Variants in SMCO4 observed in about 807,000 individuals in gnomAD.
The protein encoded by SMCO4 is single-pass membrane and coiled-coil domain-containing protein 4.
SMCO4 carries 4 observed loss-of-function variants against 3.6 expected under a neutral mutation model. The observed-to-expected ratio is 1.11, with a 90% confidence interval of 0.54 to 2.53. SMCO4 has a LOEUF of 2.53. SMCO4 is among the 30% of genes most tolerant of loss of function. The probability of loss-of-function intolerance (pLI) is 0.02; values close to 1 mark genes in which losing one functional copy is unlikely to be tolerated. For synonymous variants in SMCO4, 36 were observed against 35.3 expected, an observed-to-expected ratio of 1.02 and a Z score of -0.07; for missense variants, 70 against 80.8, an observed-to-expected ratio of 0.87 and a Z score of 0.51.
At chr11:93,503,383 T>A (rs891938083) in intron 1 of SMCO4, among the ~76,000 whole-genome samples, 6 of 152,172 alleles carry the variant, frequency 3.9e-5, no homozygotes, top group African/African-American at 1.4e-4. Context: ...GCCCCCATGA[T>A]TCAATTATCT....
chr11:93,481,405 T>A (rs1229612174), intron 2 of SMCO4: 1 of 984,958 alleles, frequency 1.0e-6, no homozygotes, highest in Non-Finnish European at 1.2e-6. Flanking sequence ...CCTCTAAGCC[T>A]GACTGCAGCC....
chr11:93,484,138 C>G (rs1948622052), intron 2 of SMCO4, among the ~76,000 whole-genome samples: 2 of 152,166 alleles, frequency 1.3e-5, no homozygotes, highest in Non-Finnish European at 2.9e-5. Context: ...AGCACACACC[C>G]ACGGCAACCG....
chr11:93,509,206 G>C (rs1037638258), intron 1 of SMCO4, among the ~76,000 whole-genome samples: 1 of 151,700 alleles, frequency 6.6e-6, no homozygotes, highest in South Asian at 2.1e-4. Flanking sequence ...CAGGAGGATC[G>C]CTTGCACCCA....
intron 2 of SMCO4, among the ~76,000 whole-genome samples, chr11:93,489,374 G>A (rs1334426126): frequency 6.6e-6 from 1 of 152,186 alleles, no homozygotes; most frequent in African/African-American, 2.4e-5. Context: ...ATTCCTCAAA[G>A]AAGAGCATCT....
chr11:93,480,807 C>T (rs1472805657), intron 2 of SMCO4, among the ~76,000 whole-genome samples: 1 of 152,128 alleles, frequency 6.6e-6, no homozygotes, highest in Non-Finnish European at 1.5e-5. Flanking sequence ...TGACACCATC[C>T]TGTTTTTATG....
chr11:93,490,056 T>A (rs890619515), intron 2 of SMCO4, among the ~76,000 whole-genome samples: 26 of 152,190 alleles, frequency 1.7e-4, no homozygotes, highest in African/African-American at 6.3e-4. Flanking sequence ...AGGAGGTTCC[T>A]CCTGCCTTGA....
At chr11:93,526,085 A>G in intron 1 of SMCO4, among the ~76,000 whole-genome samples, 1 of 152,108 alleles carries the variant, frequency 6.6e-6, no homozygotes, top group East Asian at 1.9e-4. Context: ...TAACACTCAT[A>G]TTGGTTTGAG....
intron 2 of SMCO4, among the ~76,000 whole-genome samples, chr11:93,492,872 T>C (rs540189997): frequency 2.0e-4 from 30 of 152,302 alleles, no homozygotes; most frequent in Middle Eastern, 3.4e-3. Flanking sequence ...CTGCAGACCT[T>C]TGATTCCTGA....
At chr11:93,551,923 A>T in the SMCO4 span, among the ~76,000 whole-genome samples, 3 of 152,164 alleles carry the variant, frequency 2.0e-5, no homozygotes, top group Non-Finnish European at 4.4e-5. Context: ...TCCATCTGGT[A>T]TCGCTTTGAT....
chr11:93,479,786 T>C (rs1948570804), intron 2 of SMCO4, among the ~76,000 whole-genome samples: 1 of 152,166 alleles, frequency 6.6e-6, no homozygotes, highest in Admixed American at 6.5e-5. Context: ...CATCTCTTTG[T>C]TGGTTCCTTG....
At chr11:93,481,408 C>T in intron 2 of SMCO4, 1 of 985,064 alleles carries the variant, frequency 1.0e-6, no homozygotes, top group Non-Finnish European at 1.2e-6. Flanking sequence ...CTAAGCCTGA[C>T]TGCAGCCTTG....
upstream of SMCO4, among the ~76,000 whole-genome samples, chr11:93,545,127 C>A (rs1949305446): frequency 6.6e-6 from 1 of 152,114 alleles, no homozygotes; most frequent in Non-Finnish European, 1.5e-5. Flanking sequence ...ATTGTAAATG[C>A]CATTTTCCTC....
chr11:93,479,595 C>T (rs528664953), intron 2 of SMCO4, among the ~76,000 whole-genome samples: 14 of 152,312 alleles, frequency 9.2e-5, no homozygotes, highest in African/African-American at 3.4e-4. Context: ...CTCAGAGGAG[C>T]GGCTCTCCCT....
intron 1 of SMCO4, among the ~76,000 whole-genome samples, chr11:93,536,675 G>A (rs983952195): frequency 6.6e-6 from 1 of 152,202 alleles, no homozygotes. Flanking sequence ...GGCACCTGGG[G>A]AGGGGTGCTG....
chr11:93,507,022 T>C (rs985464214), intron 1 of SMCO4, among the ~76,000 whole-genome samples: 9 of 152,212 alleles, frequency 5.9e-5, no homozygotes, highest in Non-Finnish European at 1.0e-4. Context: ...ATAGACACTT[T>C]GTCAAAAATA....
the SMCO4 span, among the ~76,000 whole-genome samples, chr11:93,552,126 T>A: frequency 2.0e-5 from 3 of 147,352 alleles, no homozygotes; most frequent in East Asian, 3.9e-4. Flanking sequence ...TTTTATAATT[T>A]AAAAAAAAGT....
upstream of SMCO4, among the ~76,000 whole-genome samples, chr11:93,546,734 A>G (rs1004966324): frequency 1.3e-5 from 2 of 152,168 alleles, no homozygotes; most frequent in African/African-American, 2.4e-5. Context: ...TATTCTTCCC[A>G]TGCTCAAAAT....
the SMCO4 span, among the ~76,000 whole-genome samples, chr11:93,552,152 C>CTTTTTT: frequency 2.8e-5 from 3 of 109,024 alleles, no homozygotes; most frequent in Admixed American, 1.0e-4. Flanking sequence ...CTCATCACTA[C>CTTTTTT]TTTTTTTTTT....
At chr11:93,507,663 T>C (rs1485362989) in intron 1 of SMCO4, among the ~76,000 whole-genome samples, 1 of 152,232 alleles carries the variant, frequency 6.6e-6, no homozygotes, top group Non-Finnish European at 1.5e-5. Context: ...TATGAAAAGT[T>C]CATTGATTGG....
Sources: gnomAD v4.1 joint callset for allele counts (sites outside exome capture counted in the v4.1 genomes callset) on GRCh38, gnomAD v4.1.1 for gene constraint, MANE v1.5 for transcripts, NCBI Gene and HGNC (gene_info 2026-07-23, HGNC 2026-07-21) for gene names.